The following MEMO1 variants were observed in gnomAD, a reference collection of about 807,000 sequenced individuals.
The protein encoded by MEMO1 is protein MEMO1.
In MEMO1, 6 loss-of-function variants were observed where a neutral mutation model predicts 45.2. That is an observed-to-expected ratio of 0.13 (90% CI 0.07 to 0.26). The LOEUF is 0.26. MEMO1 is among the 10% of genes least tolerant of loss of function. The pLI, the probability that MEMO1 is intolerant of heterozygous loss-of-function variation, is 1.00. For missense variants in MEMO1, 184 were observed against 370.5 expected, an observed-to-expected ratio of 0.50 and a Z score of 4.13; for synonymous variants, 78 against 124.3, an observed-to-expected ratio of 0.63 and a Z score of 2.48.
chr2:31,869,236 C>T (rs1285562538), intron 9 of MEMO1, among the ~76,000 whole-genome samples: 1 of 152,094 alleles, frequency 6.6e-6, no homozygotes, highest in African/African-American at 2.4e-5. Flanking sequence ...ACTTTCTCCT[C>T]CCATTCCTGA....
chr2:31,989,719 C>T (rs1671710022), intron 2 of MEMO1, among the ~76,000 whole-genome samples: 1 of 152,098 alleles, frequency 6.6e-6, no homozygotes. Flanking sequence ...TGTAACTTAT[C>T]AACTATATCT....
intron 8 of MEMO1, among the ~76,000 whole-genome samples, chr2:31,883,133 T>C (rs1304534271): frequency 1.3e-5 from 2 of 152,110 alleles, no homozygotes; most frequent in African/African-American, 4.8e-5. Context: ...AAAGTACTTC[T>C]CTAGAAAGTA....
At chr2:31,869,989 AAAG>A (rs759763096) in intron 8 of MEMO1, 37 bp from the exon 9 acceptor site, 34 of 1,380,608 alleles carry the variant, frequency 2.5e-5, no homozygotes, top group Middle Eastern at 2.6e-4. Flanking sequence ...GAAAAAAATA[AAAG>A]AAGAAGACAA....
chr2:31,963,412 A>G, intron 2 of MEMO1: 1 of 933,710 alleles, frequency 1.1e-6, no homozygotes, highest in South Asian at 5.2e-5. Context: ...AGGAAAGCTA[A>G]AATATCTATG....
chr2:31,982,151 G>A (rs1176778749), intron 2 of MEMO1, among the ~76,000 whole-genome samples: 1 of 151,952 alleles, frequency 6.6e-6, no homozygotes, highest in Admixed American at 6.6e-5. Context: ...ACAAAAATTA[G>A]CTGGGCTTGG....
At chr2:31,893,385 C>T (rs1677236213) in intron 6 of MEMO1, 1 of 1,080,360 alleles carries the variant, frequency 9.3e-7, no homozygotes. Flanking sequence ...CTTTCTCTAA[C>T]TGTTACCAGT....
intron 6 of MEMO1, among the ~76,000 whole-genome samples, chr2:31,901,422 C>A (rs768094769): frequency 2.1e-5 from 3 of 145,344 alleles, no homozygotes; most frequent in Non-Finnish European, 4.5e-5. Context: ...CCAAGACATG[C>A]GACAACAGGG....
chr2:31,936,890 A>G (rs1664980860), intron 3 of MEMO1, among the ~76,000 whole-genome samples: 1 of 152,236 alleles, frequency 6.6e-6, no homozygotes, highest in Non-Finnish European at 1.5e-5. Flanking sequence ...ATGCAAAATA[A>G]AAAGATTGAA....
intron 2 of MEMO1, among the ~76,000 whole-genome samples, chr2:31,944,006 T>C (rs962427166): frequency 2.0e-5 from 3 of 152,338 alleles, no homozygotes; most frequent in Non-Finnish European, 4.4e-5. Context: ...TCGTCTCTAC[T>C]TCTTACCTAG....
chr2:31,903,237 G>C (rs954070149), intron 6 of MEMO1, among the ~76,000 whole-genome samples: 2 of 152,088 alleles, frequency 1.3e-5, no homozygotes, highest in African/African-American at 4.8e-5. Flanking sequence ...AATGAGTCTA[G>C]AAGCAGTCCC....
chr2:31,909,362 G>C (rs1023855102), intron 6 of MEMO1, among the ~76,000 whole-genome samples: 3 of 152,084 alleles, frequency 2.0e-5, no homozygotes, highest in African/African-American at 7.2e-5. Flanking sequence ...AGAAAAACCT[G>C]AAGTCTCCAC....
At chr2:31,967,419 C>T (rs967731600) in intron 2 of MEMO1, among the ~76,000 whole-genome samples, 4 of 152,102 alleles carry the variant, frequency 2.6e-5, no homozygotes, top group East Asian at 1.9e-4. Context: ...CCACCGCGCC[C>T]GGCCAATAGT....
intron 6 of MEMO1, among the ~76,000 whole-genome samples, chr2:31,894,711 G>GTGTGTTCTGTT (rs1677496186): frequency 6.6e-6 from 1 of 152,180 alleles, no homozygotes; most frequent in Non-Finnish European, 1.5e-5. Context: ...CTGGCTAACA[G>GTGTGTTCTGTT]AAAATTTGGG....
At chr2:31,929,009 C>T (rs1449291894) in intron 4 of MEMO1, among the ~76,000 whole-genome samples, 1 of 152,064 alleles carries the variant, frequency 6.6e-6, no homozygotes, top group African/African-American at 2.4e-5. Flanking sequence ...TATATATTAT[C>T]AAATTGCTTT....
rs768644837 is a variant in MEMO1, at chr2:31,869,816, G to T, written c.762+32C>A. The T allele has an allele frequency of 1.1e-5, 17 of 1,563,606 alleles. No individual in the cohort carries two copies. The South Asian group carries it at 2.1e-4, about 19-fold the overall frequency. On this transcript the variant is annotated intron_variant, in intron 9 of 9. Transcript: ENST00000404530. ...ATTTTGGAATATCATATGACCAAAT[G>T]TTAAAAGTCAAGGCTTCCTAAGGAT...
chr2:31,906,313 G>C (rs1292970457), intron 6 of MEMO1, among the ~76,000 whole-genome samples: 8 of 147,918 alleles, frequency 5.4e-5, no homozygotes, highest in East Asian at 2.1e-4. Flanking sequence ...TTTTTTGTTT[G>C]TTTGTTTGTT....
chr2:31,927,649 A>C (rs2148222487), intron 4 of MEMO1, among the ~76,000 whole-genome samples: 1 of 151,902 alleles, frequency 6.6e-6, no homozygotes, highest in South Asian at 2.1e-4. Flanking sequence ...TAAAAAAAAA[A>C]AAAAAAGTAA....
At chr2:31,950,029 T>C (rs998218139) in intron 2 of MEMO1, among the ~76,000 whole-genome samples, 4 of 152,264 alleles carry the variant, frequency 2.6e-5, no homozygotes, top group Non-Finnish European at 4.4e-5. Context: ...ATATGGTTTC[T>C]ATTGCTTAGA....
intron 6 of MEMO1, among the ~76,000 whole-genome samples, chr2:31,917,377 G>C (rs1681614545): frequency 6.6e-6 from 1 of 152,078 alleles, no homozygotes; most frequent in Admixed American, 6.6e-5. Context: ...CTAGGCGGTG[G>C]GGTATACAGT....
Sources: gnomAD v4.1 joint callset for allele counts (sites outside exome capture counted in the v4.1 genomes callset) on GRCh38, gnomAD v4.1.1 for gene constraint, MANE v1.5 for transcripts, NCBI Gene and HGNC (gene_info 2026-07-23, HGNC 2026-07-21) for gene names.